RARB: variants seen among roughly 807,000 people sequenced by gnomAD.
RARB encodes HBV-activated protein.
Under a neutral mutation model 51.9 loss-of-function variants are expected in RARB, and 17 were observed. The ratio of observed to expected loss-of-function variants is 0.33; its 90% CI spans 0.22 to 0.49. The LOEUF is 0.49. Ranked by LOEUF, RARB falls within the 20% of genes least tolerant of loss-of-function variation. RARB has a pLI of 0.99. For synonymous variants in RARB, 215 were observed against 195.4 expected (o/e 1.10, Z -0.84); for missense variants, 369 against 550.8 (o/e 0.67, Z 3.30).
chr3:25,520,178 G>A (rs7644940), intron 3 of RARB, among the ~76,000 whole-genome samples: 22,682 of 152,130 alleles, frequency 0.15, 3,434 homozygotes, highest in African/African-American at 0.39. Context: ...GGCCCTTTAA[G>A]GAAAAAGTTT....
chr3:25,267,628 C>T (rs1420048006), intron 5 of RARB, among the ~76,000 whole-genome samples: 1 of 152,064 alleles, frequency 6.6e-6, no homozygotes, highest in Non-Finnish European at 1.5e-5. Context: ...CTTCCCCATG[C>T]TTGAGTGAGG....
intron 5 of RARB, among the ~76,000 whole-genome samples, chr3:25,408,443 G>A (rs1221764192): frequency 6.6e-6 from 1 of 152,080 alleles, no homozygotes; most frequent in Admixed American, 6.5e-5. Context: ...CAGATCTCAT[G>A]AGAACTTACT....
intron 4 of RARB, among the ~76,000 whole-genome samples, chr3:25,153,662 T>A (rs1700329592): frequency 6.6e-6 from 1 of 152,190 alleles, no homozygotes; most frequent in Non-Finnish European, 1.5e-5. Flanking sequence ...ATGCTGTTTT[T>A]CAACAGTCAG....
At chr3:24,875,106 C>A (rs778997349) in intron 2 of RARB, among the ~76,000 whole-genome samples, 2 of 152,064 alleles carry the variant, frequency 1.3e-5, no homozygotes, top group African/African-American at 2.4e-5. Context: ...TCTAATCTTA[C>A]ATTTTAACAT....
At chr3:25,126,175 G>A (rs1699856910) in intron 3 of RARB, among the ~76,000 whole-genome samples, 1 of 152,066 alleles carries the variant, frequency 6.6e-6, no homozygotes, top group African/African-American at 2.4e-5. Flanking sequence ...ACATTTAGGG[G>A]TCTGTGCAGA....
In RARB at chr3:25,145,223, G is replaced by T. The variant is rs144631833; in HGVS notation, c.-280+13015G>T. ...GGTCTTTGTTCCTCTGTCTTTAATG[G>T]TTGCATGCTCTTCTCTTCCAAATGC... On this transcript the variant is annotated intron_variant, in intron 4 of 11. Coordinates refer to the RARB transcript ENST00000383772. Among the ~76,000 whole-genome samples the T allele has an allele frequency of 2.7e-3, 405 of 152,196 alleles. 3 individuals are homozygous for T. Among genetic ancestry groups the T allele is most frequent in the African/African-American group, 9.0e-3 (372 of 41,536 alleles).
At chr3:25,170,793 T>C (rs1250757488) in intron 4 of RARB, among the ~76,000 whole-genome samples, 5 of 152,014 alleles carry the variant, frequency 3.3e-5, no homozygotes, top group African/African-American at 1.2e-4. Context: ...TATACATATG[T>C]GTGGAGAAAA....
At chr3:25,289,041 G>C (rs765299994) in intron 5 of RARB, among the ~76,000 whole-genome samples, 1 of 152,316 alleles carries the variant, frequency 6.6e-6, no homozygotes. Flanking sequence ...CTGAGGCAAC[G>C]CTTCATAATG....
intron 3 of RARB, among the ~76,000 whole-genome samples, chr3:25,097,402 T>C (rs1338257697): frequency 6.6e-6 from 1 of 152,192 alleles, no homozygotes; most frequent in Non-Finnish European, 1.5e-5. Flanking sequence ...AATGTTTTTA[T>C]AAAGTAGTAA....
chr3:25,094,899 A>C (rs1699267308), intron 3 of RARB, among the ~76,000 whole-genome samples: 1 of 152,024 alleles, frequency 6.6e-6, no homozygotes, highest in African/African-American at 2.4e-5. Context: ...CTAATTTTCA[A>C]AACCATTTCA....
At chr3:24,889,385 ATG>A (rs1328719590) in intron 2 of RARB, among the ~76,000 whole-genome samples, 1 of 152,138 alleles carries the variant, frequency 6.6e-6, no homozygotes, top group Non-Finnish European at 1.5e-5. Flanking sequence ...TCAAAAAATG[ATG>A]TGTTTGCAAC....
chr3:25,113,471 GT>G (rs1699636520), intron 3 of RARB, among the ~76,000 whole-genome samples: 1 of 152,166 alleles, frequency 6.6e-6, no homozygotes, highest in Non-Finnish European at 1.5e-5. Flanking sequence ...AGGAAATGAA[GT>G]TGTCTTCTGA....
At chr3:24,839,729 G>C (rs949075756) in intron 1 of RARB, among the ~76,000 whole-genome samples, 2 of 61,218 alleles carry the variant, frequency 3.3e-5, no homozygotes, top group East Asian at 5.0e-4. Flanking sequence ...AGGGGGGGGG[G>C]GTGGGGGAAG....
intron 2 of RARB, among the ~76,000 whole-genome samples, chr3:25,484,687 C>G (rs1396066052): frequency 6.6e-6 from 1 of 152,048 alleles, no homozygotes; most frequent in Non-Finnish European, 1.5e-5. Context: ...TCTATGATTG[C>G]TTTCATTCTG....
At chr3:25,131,881 GGATA>G (rs1699959336) in intron 3 of RARB, among the ~76,000 whole-genome samples, 1 of 151,902 alleles carries the variant, frequency 6.6e-6, no homozygotes, top group Non-Finnish European at 1.5e-5. Flanking sequence ...AATCTATGTG[GGATA>G]GATAAAGGCA....
At chr3:24,922,499 C>T (rs1416176405) in intron 2 of RARB, among the ~76,000 whole-genome samples, 4 of 152,038 alleles carry the variant, frequency 2.6e-5, no homozygotes, top group Non-Finnish European at 5.9e-5. Flanking sequence ...ATTTATTGTC[C>T]CCATTTTACA....
chr3:25,098,190 T>G (rs972237410), intron 3 of RARB, among the ~76,000 whole-genome samples: 1 of 151,406 alleles, frequency 6.6e-6, no homozygotes, highest in South Asian at 2.1e-4. Context: ...GCCTGAAGGG[T>G]GAAAAGTTGG....
At chr3:25,190,061 G>T (rs150306524) in intron 5 of RARB, among the ~76,000 whole-genome samples, 1 of 152,146 alleles carries the variant, frequency 6.6e-6, no homozygotes, top group African/African-American at 2.4e-5. Flanking sequence ...TTATTCCTCA[G>T]TTTGGGTCAA....
At chr3:25,356,981 G>A (rs1366086336) in intron 5 of RARB, among the ~76,000 whole-genome samples, 1 of 152,156 alleles carries the variant, frequency 6.6e-6, no homozygotes, top group Admixed American at 6.5e-5. Flanking sequence ...ACATACGTGT[G>A]CATGTGTCTT....
Sources: gnomAD v4.1 joint callset for allele counts (sites outside exome capture counted in the v4.1 genomes callset) on GRCh38, gnomAD v4.1.1 for gene constraint, MANE v1.5 for transcripts, NCBI Gene and HGNC (gene_info 2026-07-23, HGNC 2026-07-21) for gene names.